The following ATP6V1C1 variants were observed in gnomAD, a reference collection of about 807,000 sequenced individuals.
ATP6V1C1 encodes V-type proton ATPase subunit C 1.
Under a neutral mutation model 53.9 loss-of-function variants are expected in ATP6V1C1, and 45 were observed. The ratio of observed to expected loss-of-function variants is 0.83; its 90% confidence interval spans 0.66 to 1.07. ATP6V1C1 has a LOEUF of 1.07. ATP6V1C1 is among the 50% of genes least tolerant of loss of function. The probability of loss-of-function intolerance (pLI) is 0.00; values close to 1 mark genes in which losing one functional copy is unlikely to be tolerated. For missense variants in ATP6V1C1, 315 were observed against 440.3 expected, an observed-to-expected ratio of 0.72 and a Z score of 2.55; for synonymous variants, 153 against 155.2, an observed-to-expected ratio of 0.99 and a Z score of 0.11.
At chr8:103,051,537 A>G (rs1817199493) in intron 5 of ATP6V1C1, among the ~76,000 whole-genome samples, 1 of 152,122 alleles carries the variant, frequency 6.6e-6, no homozygotes, top group Non-Finnish European at 1.5e-5. Context: ...TTGTTCAAAC[A>G]TTAAACTCTA....
At chr8:103,066,151 T>G (rs961553207) in intron 11 of ATP6V1C1, among the ~76,000 whole-genome samples, 170 bp from the exon 12 acceptor site, 1 of 152,056 alleles carries the variant, frequency 6.6e-6, no homozygotes, top group Non-Finnish European at 1.5e-5. Context: ...TGAAGTTTTT[T>G]GTGTATATTA....
chr8:103,056,053 A>T (rs72669344), intron 8 of ATP6V1C1, 117 bp downstream of exon 8: 41,398 of 914,456 alleles, frequency 0.045, 1,205 homozygotes, highest in Non-Finnish European at 0.05. Context: ...CTCATGAGTG[A>T]GTTCTATGAA....
Position 103,051,067 on chromosome 8 carries a change from A to AT in ATP6V1C1, c.305dup (p.Thr103AsnfsTer21). The stretch of plus-strand genomic sequence containing the variant: ...TATTTCAGTGGACTTGGTTACTTAT[A>AT]TAACAAGGTTCCAGTGGGACATGGC... On this transcript the variant is annotated frameshift_variant, in exon 5 of 13. Coordinates refer to ENST00000518738, the MANE Select transcript of ATP6V1C1 (RefSeq NM_001695.5). LOFTEE classifies it high-confidence loss of function. The AT allele has an allele frequency of 6.2e-7, 1 of 1,605,542 alleles. No homozygotes were observed. Among genetic ancestry groups the AT allele is most frequent in the Non-Finnish European group, 8.5e-7 (1 of 1,173,770 alleles).
chr8:103,067,598 CTTTTTTTTTTTTTT>C (rs764474136), intron 12 of ATP6V1C1, among the ~76,000 whole-genome samples: 1 of 114,966 alleles, frequency 8.7e-6, no homozygotes, highest in Admixed American at 8.8e-5. Flanking sequence ...TTTTCTTTTT[CTTTTTTTTTTTTTT>C]TTTTTCGAGA....
chr8:103,058,696 CT>C (rs1817334096), intron 8 of ATP6V1C1, among the ~76,000 whole-genome samples: 1 of 152,172 alleles, frequency 6.6e-6, no homozygotes. Context: ...AAAATATTCA[CT>C]TTAATATTCA....
chr8:103,067,635 C>T (rs1354895092), intron 12 of ATP6V1C1, among the ~76,000 whole-genome samples: 5 of 118,336 alleles, frequency 4.2e-5, no homozygotes, highest in Non-Finnish European at 6.7e-5. Flanking sequence ...GAGTTTCGCT[C>T]TTTTGCCCAG....
At chr8:103,063,509 A>C (rs1332111635) in intron 10 of ATP6V1C1, among the ~76,000 whole-genome samples, 1 of 152,188 alleles carries the variant, frequency 6.6e-6, no homozygotes, top group Non-Finnish European at 1.5e-5. Context: ...TTAAAAAGAA[A>C]TTACTCCACC....
intron 8 of ATP6V1C1, 128 bp downstream of exon 8, chr8:103,056,064 C>A: frequency 1.2e-6 from 1 of 803,590 alleles, no homozygotes; most frequent in Non-Finnish European, 1.9e-6. Flanking sequence ...GTTCTATGAA[C>A]TCTAGTTGTA....
chr8:103,054,525 A>G (rs1817254981), intron 7 of ATP6V1C1, among the ~76,000 whole-genome samples: 1 of 152,252 alleles, frequency 6.6e-6, no homozygotes, highest in Non-Finnish European at 1.5e-5. Flanking sequence ...ATGTGAACGA[A>G]TGAATGTGGC....
Position 103,072,357 on chromosome 8 carries a change from A to C in ATP6V1C1, c.*3610A>C, listed in dbSNP as rs1817600605. 3 of 152,218 alleles carry C rather than the reference A, an allele frequency of 2.0e-5. No homozygotes were observed. The highest frequency in any genetic ancestry group is 2.0e-4 in the Admixed American group (3 of 15,280). 9.4% of individuals were successfully genotyped at this position (152,218 alleles called of 1,614,324 possible). On this transcript the variant is annotated 3_prime_UTR_variant, in exon 13 of 13. Transcript: ENST00000518738. ...TCATTCTCAGCTGTCGAAGAAATCA[A>C]AGTAGCATATGCACAAGGTTAAAAA...
At chr8:103,049,789 AT>A (rs927482440) in intron 4 of ATP6V1C1, among the ~76,000 whole-genome samples, 285 of 152,198 alleles carry the variant, frequency 1.9e-3, no homozygotes, top group African/African-American at 6.6e-3. Context: ...CCAAACAAAA[AT>A]AAAGAAAAAG....
chr8:103,023,973 A>G lies in ATP6V1C1; in HGVS notation c.-40+2748A>G, dbSNP rs558384965. Among the ~76,000 whole-genome samples, 9 of 152,324 alleles carry G rather than the reference A, an allele frequency of 5.9e-5. No homozygotes were observed. The South Asian group carries it at 1.9e-3, about 32-fold the overall frequency. ...AACTTTTTCTAGTAGAACAGCTTCA[A>G]AGGAATTGGCAGTGGTGGGCTATGT... On this transcript the variant is annotated intron_variant, in intron 1 of 12. Coordinates refer to ENST00000518738, the MANE Select transcript of ATP6V1C1 (RefSeq NM_001695.5).
In ATP6V1C1 at chr8:103,068,769, A is replaced by G. The variant is rs755489178; in HGVS notation, c.*22A>G. The G allele has an allele frequency of 3.2e-6, 5 of 1,582,100 alleles. No homozygotes were observed. The highest frequency in any genetic ancestry group is 4.3e-6 in the Non-Finnish European group (5 of 1,155,170). On this transcript the variant is annotated 3_prime_UTR_variant, in exon 13 of 13. Transcript: ENST00000518738. ...GTGAAAATGGGCTCCTCCCCCGACA[A>G]TCCTGTCCTTGTGTTTGTGTGTGCT...
intron 1 of ATP6V1C1, among the ~76,000 whole-genome samples, chr8:103,037,381 T>C (rs903858345): frequency 5.3e-5 from 8 of 152,082 alleles, no homozygotes; most frequent in African/African-American, 1.7e-4. Flanking sequence ...AGGGTCTCGC[T>C]ATGTTGACCA....
chr8:103,025,632 C>A (rs1816682271), intron 1 of ATP6V1C1, among the ~76,000 whole-genome samples: 1 of 152,090 alleles, frequency 6.6e-6, no homozygotes, highest in African/African-American at 2.4e-5. Context: ...AAATAGAGTC[C>A]CCTTAATCCC....
rs899817922 is a variant in ATP6V1C1 at position 103,054,923 on chromosome 8, C to T, written c.572+941C>T. 2.6e-5 allele frequency among the ~76,000 whole-genome samples: 4 copies of T among 152,078 alleles called. No homozygotes were observed. In the South Asian group the frequency reaches 6.2e-4, roughly 24 times the overall value. On this transcript the variant is annotated intron_variant, in intron 7 of 12. Transcript: ENST00000518738. ...GAAAATGATGCCTCCATGGAATTTA[C>T]AGTGGCTACAGTAGTATCTCAATTC...
At chr8:103,055,078 G>A (rs565835085) in intron 7 of ATP6V1C1, among the ~76,000 whole-genome samples, 6 of 152,112 alleles carry the variant, frequency 3.9e-5, no homozygotes, top group Admixed American at 1.3e-4. Flanking sequence ...CATAACTCCC[G>A]TCTGCTACAC....
chr8:103,048,871 G>A lies in ATP6V1C1; in HGVS notation c.202G>A (p.Val68Met), dbSNP rs1345504425. The change falls in exon 4 of 13, where the codon GTG (valine) becomes ATG (methionine). Residue 68 changes from valine to methionine, a missense_variant and splice_region_variant. Transcript: ENST00000518738. ...TTGTTGATATTTTTTCTTCCCCAGA[G>A]TGGTTAAGAAAGTAGCTCAATACAT... ...LAKLDAFVEG[V>M]VKKVAQYMAD... 1 of 1,611,606 alleles carries A rather than the reference G, an allele frequency of 6.2e-7. No homozygotes were observed. The highest frequency in any genetic ancestry group is 8.5e-7 in the Non-Finnish European group (1 of 1,178,522).
chr8:103,051,202 T>C, intron 5 of ATP6V1C1, 58 bp downstream of exon 5: 1 of 1,258,078 alleles, frequency 7.9e-7, no homozygotes, highest in Non-Finnish European at 1.1e-6. Context: ...TTGCTTATTT[T>C]ATAATTTCAC....
Sources: allele counts gnomAD v4.1 joint callset (sites outside exome capture counted in the v4.1 genomes callset), GRCh38; gene constraint gnomAD v4.1.1; transcripts MANE v1.5; gene names NCBI Gene and HGNC (gene_info 2026-07-23, HGNC 2026-07-21).